PRKN: variants seen among roughly 807,000 people sequenced by gnomAD.
The protein encoded by PRKN is parkin RBR E3 ubiquitin protein ligase.
PRKN carries 56 observed loss-of-function variants against 59.5 expected under a neutral mutation model. The observed-to-expected ratio is 0.94, with a 90% confidence interval of 0.76 to 1.18. The LOEUF (loss-of-function observed/expected upper bound fraction) is 1.18. Among genes scored for constraint, PRKN ranks in the 50% most tolerant of loss-of-function variants. The pLI is 0.00. For synonymous variants in PRKN, 250 were observed against 222.1 expected, an observed-to-expected ratio of 1.13 and a Z score of -1.12; for missense variants, 657 against 596.4, an observed-to-expected ratio of 1.10 and a Z score of -1.06.
intron 6 of PRKN, among the ~76,000 whole-genome samples, chr6:161,926,378 GT>G (rs1417950934): frequency 6.6e-6 from 1 of 152,156 alleles, no homozygotes; most frequent in East Asian, 1.9e-4. Context: ...GTCTGTTGTG[GT>G]TATTAGACTG....
intron 9 of PRKN, among the ~76,000 whole-genome samples, chr6:161,477,023 T>G (rs1791117810): frequency 6.6e-6 from 1 of 152,174 alleles, no homozygotes; most frequent in African/African-American, 2.4e-5. Flanking sequence ...GCTAATTAAC[T>G]TGGATGATGT....
intron 7 of PRKN, among the ~76,000 whole-genome samples, chr6:161,640,908 G>A (rs1053174355): frequency 1.3e-5 from 2 of 152,250 alleles, no homozygotes; most frequent in Non-Finnish European, 2.9e-5. Context: ...GGAAGGGTAC[G>A]TCCAGTGATC....
At chr6:161,798,290 G>A (rs1205698509) in intron 6 of PRKN, among the ~76,000 whole-genome samples, 1 of 152,180 alleles carries the variant, frequency 6.6e-6, no homozygotes, top group Non-Finnish European at 1.5e-5. Context: ...GCAAAGATGT[G>A]ACTGTCCACC....
At chr6:161,852,830 AC>A (rs1218737412) in intron 6 of PRKN, among the ~76,000 whole-genome samples, 1 of 152,218 alleles carries the variant, frequency 6.6e-6, no homozygotes, top group Non-Finnish European at 1.5e-5. Flanking sequence ...TTGAGAAAGA[AC>A]AGTTTTGGTT....
chr6:161,442,510 T>C lies in PRKN; in HGVS notation c.1084-55633A>G, dbSNP rs1431262802. 6.6e-6 allele frequency among the ~76,000 whole-genome samples: 1 copy of C among 152,212 alleles called. No homozygotes were observed. Among genetic ancestry groups the C allele is most frequent in the African/African-American group, 2.4e-5 (1 of 41,460 alleles). ...CATCTTTTGGATAATTCACATGACC[T>C]TCTCCTTAGTGGGCGAGTACAAGAA... is the stretch of plus-strand genomic sequence containing the variant. On this transcript the variant is annotated intron_variant, in intron 9 of 11. Coordinates refer to ENST00000366898, the MANE Select transcript of PRKN (RefSeq NM_004562.3). This position sits in a 1 kb window ranked among gnomAD's most constrained non-coding sequence, Gnocchi z 4.6.
At position 161,784,016 on chromosome 6, in the gene PRKN, T is replaced by C. The variant is rs958287389; in HGVS notation, c.871+1756A>G. Among the ~76,000 whole-genome samples, 5 of 152,194 alleles carry C rather than the reference T, an allele frequency of 3.3e-5. No homozygotes were observed. The East Asian group carries it at 9.6e-4, about 29-fold the overall frequency. On this transcript the variant is annotated intron_variant, in intron 7 of 11. Transcript: ENST00000366898. Reference sequence around the variant, plus strand: ...CTTGAAATAAATTGAACTTAAAACCTCACCATTGAGTCAAGGTATCCCATA... The same window carrying C: ...CTTGAAATAAATTGAACTTAAAACCCCACCATTGAGTCAAGGTATCCCATA...
intron 6 of PRKN, among the ~76,000 whole-genome samples, chr6:161,909,708 T>A (rs1778283270): frequency 6.6e-6 from 1 of 152,160 alleles, no homozygotes; most frequent in Non-Finnish European, 1.5e-5. Flanking sequence ...TAAAAGCAGG[T>A]TTTACCCTGG....
intron 2 of PRKN, among the ~76,000 whole-genome samples, chr6:162,311,585 C>T (rs566871264): frequency 4.0e-5 from 6 of 149,968 alleles, no homozygotes; most frequent in African/African-American, 1.2e-4. Context: ...TGGGTTCAAG[C>T]GATTCTCCTG....
intron 2 of PRKN, among the ~76,000 whole-genome samples, chr6:162,424,002 G>A (rs1405265534): frequency 2.0e-5 from 3 of 152,106 alleles, no homozygotes; most frequent in South Asian, 2.1e-4. Flanking sequence ...AGCAACCAGC[G>A]TGTCCTCATA....
intron 6 of PRKN, among the ~76,000 whole-genome samples, chr6:161,839,610 C>A (rs149817840): frequency 6.6e-6 from 1 of 152,086 alleles, no homozygotes; most frequent in Non-Finnish European, 1.5e-5. Flanking sequence ...TCAGATCCCT[C>A]GTCTGCAAAG....
intron 1 of PRKN, among the ~76,000 whole-genome samples, chr6:162,470,470 G>A (rs1791673613): frequency 6.6e-6 from 1 of 151,980 alleles, no homozygotes. Context: ...CAGGCGTGGT[G>A]GCAGGCGCTA....
chr6:161,721,082 A>T (rs1787201518), intron 7 of PRKN, among the ~76,000 whole-genome samples: 1 of 152,232 alleles, frequency 6.6e-6, no homozygotes, highest in African/African-American at 2.4e-5. Flanking sequence ...CATCCGATCC[A>T]TGGGCAGAGG....
Position 161,546,888 on chromosome 6 carries a change from G to T in PRKN, c.1083+1966C>A, listed in dbSNP as rs1779814817. ...AAGGGCCATGTGGTGAGGAACTGTGGCCTTCTGACAACAGCCAGTGAGGAA... is the reference window on the plus strand; with the variant it reads ...AAGGGCCATGTGGTGAGGAACTGTGTCCTTCTGACAACAGCCAGTGAGGAA... On this transcript the variant is annotated intron_variant, in intron 9 of 11. Transcript: ENST00000366898. The surrounding 1 kb of genome is among the most constrained non-coding windows in gnomAD (Gnocchi z 4.4). Among the ~76,000 whole-genome samples the T allele has an allele frequency of 6.6e-6, 1 of 152,078 alleles. No individual in the cohort carries two copies.
intron 6 of PRKN, among the ~76,000 whole-genome samples, chr6:161,886,787 A>C (rs1795171829): frequency 6.6e-6 from 1 of 151,530 alleles, no homozygotes; most frequent in African/African-American, 2.4e-5. Flanking sequence ...TTTAATAATA[A>C]AATTCTAGAA....
At position 161,401,486 on chromosome 6, in the gene PRKN, G is replaced by A. The variant is rs1787048981; in HGVS notation, c.1084-14609C>T. Among the ~76,000 whole-genome samples, 3 of 151,994 alleles carry A rather than the reference G, an allele frequency of 2.0e-5. No individual in the cohort carries two copies. The highest frequency in any genetic ancestry group is 2.1e-4 in the South Asian group (1 of 4,818). On this transcript the variant is annotated intron_variant, in intron 9 of 11. Coordinates refer to ENST00000366898, the MANE Select transcript of PRKN (RefSeq NM_004562.3). This position sits in a 1 kb window ranked among gnomAD's most constrained non-coding sequence, Gnocchi z 4.4. ...ACGTTAGCTGGGCGTGGTGGTGGAC[G>A]CCTGTAATCCCAGCTACTCAGGAGG... is the stretch of plus-strand genomic sequence containing the variant.
rs1397044164 is a variant in PRKN at position 161,546,757 on chromosome 6, T to TG, written c.1083+2096dup. On this transcript the variant is annotated intron_variant, in intron 9 of 11. Transcript: ENST00000366898. The surrounding 1 kb of genome is among the most constrained non-coding windows in gnomAD (Gnocchi z 4.4). ...AAAGTGAGAGTGACAGGTGCAGCTT[T>TG]GGGGATTTGGTCCTACAAGGCACTG... is the stretch of plus-strand genomic sequence containing the variant. Among the ~76,000 whole-genome samples the TG allele has an allele frequency of 2.6e-5, 4 of 152,020 alleles. No homozygotes were observed. Among genetic ancestry groups the TG allele is most frequent in the Non-Finnish European group, 5.9e-5 (4 of 68,026 alleles).
chr6:162,261,555 A>C (rs1779888143), intron 3 of PRKN, among the ~76,000 whole-genome samples: 1 of 152,118 alleles, frequency 6.6e-6, no homozygotes, highest in South Asian at 2.1e-4. Context: ...AGAGTATTGC[A>C]GGGGTTTAGA....
chr6:161,757,941 A>C (rs1213302962), intron 7 of PRKN, among the ~76,000 whole-genome samples: 1 of 136,434 alleles, frequency 7.3e-6, no homozygotes, highest in Admixed American at 7.5e-5. Context: ...CTGTATATAT[A>C]TGTATATATA....
intron 5 of PRKN, among the ~76,000 whole-genome samples, chr6:162,008,713 C>T (rs1471804050): frequency 6.6e-6 from 1 of 152,054 alleles, no homozygotes; most frequent in South Asian, 2.1e-4. Flanking sequence ...AAAAATACAT[C>T]CTGAGAACTT....
Sources: gnomAD v4.1 joint callset for allele counts (sites outside exome capture counted in the v4.1 genomes callset) on GRCh38, gnomAD v4.1.1 for gene constraint, Gnocchi (gnomAD v3.1) non-coding constraint, MANE v1.5 for transcripts, NCBI Gene and HGNC (gene_info 2026-07-23, HGNC 2026-07-21) for gene names.